REEP1: variants seen among roughly 807,000 people sequenced by gnomAD.
REEP1 encodes the protein receptor accessory protein 1.
Under a neutral mutation model 40.3 loss-of-function variants are expected in REEP1, and 22 were observed. The observed-to-expected ratio is 0.55, with a 90% CI of 0.39 to 0.78. The LOEUF (loss-of-function observed/expected upper bound fraction) is 0.78. Among genes scored for constraint, REEP1 ranks in the 30% least tolerant of loss-of-function variants. The pLI is 0.00. For synonymous variants in REEP1, 116 were observed against 139.2 expected (o/e 0.83, Z 1.17); for missense variants, 280 against 361.1 (o/e 0.78, Z 1.82).
At chr2:86,250,238 C>T (rs116296975) in intron 5 of REEP1, among the ~76,000 whole-genome samples, 1,579 of 152,210 alleles carry the variant, frequency 0.01, 30 homozygotes, top group African/African-American at 0.036. Context: ...CACCAGGTGA[C>T]GCACACTGAA....
chr2:86,240,778 C>A (rs1191678370), intron 5 of REEP1, among the ~76,000 whole-genome samples: 1 of 152,158 alleles, frequency 6.6e-6, no homozygotes, highest in Non-Finnish European at 1.5e-5. Context: ...TGGCACATAC[C>A]AAGAACTTGC....
In REEP1 at chr2:86,232,678, T is replaced by G. The variant is rs1039369434; in HGVS notation, c.542A>C (p.Lys181Thr). 5 of 1,612,514 alleles carry G rather than the reference T, an allele frequency of 3.1e-6. No homozygotes were observed. The highest frequency in any genetic ancestry group is 3.4e-6 in the Non-Finnish European group (4 of 1,179,988). Residue 181 changes from lysine (K) to threonine (T), a missense_variant, in exon 6 of 9, where the codon AAA (lysine) becomes ACA (threonine). Around this residue, in one of 3 missense-constraint regions of REEP1, gnomAD observed 201 missense variants for 238.5 expected, o/e 0.84. Coordinates refer to ENST00000538924, the MANE Select transcript of REEP1 (RefSeq NM_001371279.1). ...PPPGSGRASG[K>T]HGQPKMSRSA... ...CCTGGACATCTTAGGCTGGCCGTGT[T>G]TGCCGCTGGCCCGCCCAGACCCCGG...
At chr2:86,228,282 G>C (rs764196550) in intron 6 of REEP1, among the ~76,000 whole-genome samples, 1 of 152,168 alleles carries the variant, frequency 6.6e-6, no homozygotes, top group Non-Finnish European at 1.5e-5. Context: ...ACCCTTGTCT[G>C]CCTGCCAGGA....
intron 1 of REEP1, among the ~76,000 whole-genome samples, chr2:86,295,903 T>C (rs1397289773): frequency 6.6e-6 from 1 of 152,216 alleles, no homozygotes; most frequent in African/African-American, 2.4e-5. Flanking sequence ...GAATTCCTCT[T>C]TAACAACTGT....
At chr2:86,292,633 G>A (rs1293169219) in intron 1 of REEP1, among the ~76,000 whole-genome samples, 1 of 152,124 alleles carries the variant, frequency 6.6e-6, no homozygotes, top group Non-Finnish European at 1.5e-5. Flanking sequence ...AAGGGTTATG[G>A]TTTTCTCCTT....
chr2:86,315,412 TG>T (rs1481446269), intron 1 of REEP1, among the ~76,000 whole-genome samples: 1 of 152,200 alleles, frequency 6.6e-6, no homozygotes, highest in African/African-American at 2.4e-5. Flanking sequence ...TTTTATCATC[TG>T]GGGAAGAGAC....
intron 5 of REEP1, among the ~76,000 whole-genome samples, chr2:86,233,400 C>G (rs1429496317): frequency 6.6e-6 from 1 of 151,974 alleles, no homozygotes; most frequent in Non-Finnish European, 1.5e-5. Context: ...TCATAAAATA[C>G]CCAAAAGGTA....
intron 2 of REEP1, 96 bp downstream of exon 2, chr2:86,282,074 C>T: frequency 1.2e-6 from 1 of 833,162 alleles, no homozygotes; most frequent in Non-Finnish European, 2.1e-6. Context: ...TTCCCTGCTT[C>T]CAGTGCCCAT....
At chr2:86,237,858 A>G (rs1162157972) in intron 5 of REEP1, among the ~76,000 whole-genome samples, 3 of 152,208 alleles carry the variant, frequency 2.0e-5, no homozygotes, top group Non-Finnish European at 4.4e-5. Context: ...GACAAAAAAA[A>G]GATGTCTAAG....
chr2:86,271,618 G>C (rs142344164), intron 2 of REEP1, among the ~76,000 whole-genome samples: 22 of 152,288 alleles, frequency 1.4e-4, no homozygotes, highest in African/African-American at 4.8e-4. Flanking sequence ...TTTCTCAATG[G>C]ATTACTTACA....
At position 86,320,500 on chromosome 2, in the gene REEP1, T is replaced by C. The variant is rs74405136; in HGVS notation, c.32+16979A>G. The stretch of plus-strand genomic sequence containing the variant: ...TTACAAGACACATAACGCACCTTGA[T>C]TGGGAGCCACCAGAAAAAAAGAGAT... On this transcript the variant is annotated intron_variant, in intron 1 of 8. Coordinates refer to ENST00000538924, the MANE Select transcript of REEP1 (RefSeq NM_001371279.1). Among the ~76,000 whole-genome samples the C allele has an allele frequency of 9.4e-3, 1,429 of 152,292 alleles. 43 individuals are homozygous for C. Among genetic ancestry groups the C allele is most frequent in the Admixed American group, 0.064 (972 of 15,298 alleles).
intron 4 of REEP1, 120 bp from the exon 5 acceptor site, chr2:86,252,190 G>T: frequency 1.3e-6 from 1 of 772,682 alleles, no homozygotes; most frequent in Non-Finnish European, 2.3e-6. Context: ...TGCTGGGCCT[G>T]AAAAGCTGTA....
chr2:86,220,172 G>A lies in REEP1; in HGVS notation c.632-51C>T, dbSNP rs970405356. On this transcript the variant is annotated intron_variant, in intron 7 of 8. Coordinates refer to ENST00000538924, the MANE Select transcript of REEP1 (RefSeq NM_001371279.1). ...AGATGAGACAAGGTATAGCAAGGAA[G>A]CATCAGTGCAGGGAGCAGGGAAGGG... The A allele has an allele frequency of 1.3e-5, 16 of 1,194,232 alleles. No individual in the cohort carries two copies. The African/African-American group carries it at 2.4e-4, about 18-fold the overall frequency. The allele number at this position is 1,194,232 out of a possible 1,614,324, so 74.0% of individuals were successfully genotyped here.
At chr2:86,275,372 T>C (rs948220185) in intron 2 of REEP1, among the ~76,000 whole-genome samples, 14 of 152,254 alleles carry the variant, frequency 9.2e-5, no homozygotes, top group African/African-American at 3.4e-4. Flanking sequence ...CTTGATGCTC[T>C]GGCATCTGGG....
At chr2:86,327,258 CTTTA>C (rs1334887113) in intron 1 of REEP1, among the ~76,000 whole-genome samples, 10 of 152,160 alleles carry the variant, frequency 6.6e-5, no homozygotes, top group Admixed American at 2.6e-4. Flanking sequence ...CACTTCTTTG[CTTTA>C]TTTGTTTTTT....
rs1343839665 is a variant in REEP1 at position 86,232,817 on chromosome 2, G to A, written c.418-15C>T. On this transcript the variant is annotated splice_polypyrimidine_tract_variant and intron_variant, in intron 5 of 8. Transcript: ENST00000538924. ...GCACCCTGTCCCTGGATACAACACAGGAGGGGCACACGTCAGAGGTCCTGC... is the reference window on the plus strand; with the variant it reads ...GCACCCTGTCCCTGGATACAACACAAGAGGGGCACACGTCAGAGGTCCTGC... 4 of 1,598,488 alleles carry A rather than the reference G, an allele frequency of 2.5e-6. No individual in the cohort carries two copies. The South Asian group carries it at 4.4e-5, about 18-fold the overall frequency.
At chr2:86,322,355 G>A (rs937873661) in intron 1 of REEP1, among the ~76,000 whole-genome samples, 6 of 152,050 alleles carry the variant, frequency 3.9e-5, no homozygotes, top group African/African-American at 1.2e-4. Flanking sequence ...ACCAGCCTGG[G>A]CAAAAGAGAT....
At chr2:86,239,557 G>A (rs565851492) in intron 5 of REEP1, among the ~76,000 whole-genome samples, 4 of 152,242 alleles carry the variant, frequency 2.6e-5, no homozygotes, top group African/African-American at 9.6e-5. Flanking sequence ...AAACCCCATG[G>A]GGTGCCCGCC....
chr2:86,272,910 C>T (rs181462757), intron 2 of REEP1, among the ~76,000 whole-genome samples: 1 of 152,112 alleles, frequency 6.6e-6, no homozygotes, highest in East Asian at 1.9e-4. Flanking sequence ...ATCACTTGAG[C>T]CCAGGAGTTT....
Sources: allele counts gnomAD v4.1 joint callset (sites outside exome capture counted in the v4.1 genomes callset), GRCh38; gene constraint gnomAD v4.1.1; regional missense constraint gnomAD v4.1.1; transcripts MANE v1.5; gene names NCBI Gene and HGNC (gene_info 2026-07-23, HGNC 2026-07-21).